The following PPP2R2C variants were observed in gnomAD, a reference collection of about 807,000 sequenced individuals.
The protein encoded by PPP2R2C is protein phosphatase 2 regulatory subunit Bgamma, also known as protein phosphatase 2, regulatory subunit B, gamma.
Under a neutral mutation model 45.3 loss-of-function variants are expected in PPP2R2C, and 10 were observed. The ratio of observed to expected loss-of-function variants is 0.22; its 90% CI spans 0.14 to 0.37. The LOEUF (loss-of-function observed/expected upper bound fraction) is 0.37, where lower values mean the gene tolerates loss of function less well. Ranked by LOEUF, PPP2R2C falls within the 10% of genes least tolerant of loss-of-function variation. The probability of loss-of-function intolerance (pLI) is 1.00; values close to 1 mark genes in which losing one functional copy is unlikely to be tolerated. For synonymous variants in PPP2R2C, 257 were observed against 245.4 expected, an observed-to-expected ratio of 1.05 and a Z score of -0.44; for missense variants, 308 against 619.7, an observed-to-expected ratio of 0.50 and a Z score of 5.34.
intron 2 of PPP2R2C, among the ~76,000 whole-genome samples, chr4:6,501,430 C>T (rs187693451): frequency 3.9e-5 from 6 of 152,302 alleles, no homozygotes; most frequent in Non-Finnish European, 5.9e-5. Context: ...GACGGAGACC[C>T]TCCGAGTTTC....
chr4:6,502,597 G>A (rs1057081866), intron 2 of PPP2R2C, among the ~76,000 whole-genome samples: 1 of 150,646 alleles, frequency 6.6e-6, no homozygotes, highest in African/African-American at 2.5e-5. Context: ...TCCCACACAT[G>A]CCACACCCAA....
At chr4:6,339,901 G>C (rs907822690) in intron 6 of PPP2R2C, among the ~76,000 whole-genome samples, 1 of 152,194 alleles carries the variant, frequency 6.6e-6, no homozygotes, top group Admixed American at 6.5e-5. Context: ...GAGCTTGGAG[G>C]GTCCGAGAAG....
chr4:6,490,524 G>T (rs896972450), intron 2 of PPP2R2C, among the ~76,000 whole-genome samples: 1 of 152,182 alleles, frequency 6.6e-6, no homozygotes, highest in Non-Finnish European at 1.5e-5. Context: ...GCACCCAATC[G>T]TGCCTTGAGG....
chr4:6,407,573 G>T (rs1329175582), intron 1 of PPP2R2C, among the ~76,000 whole-genome samples: 2 of 151,964 alleles, frequency 1.3e-5, no homozygotes, highest in African/African-American at 2.4e-5. Context: ...TATTTTTTTT[G>T]TATTTTTAGT....
chr4:6,434,376 G>T (rs56170595), intron 1 of PPP2R2C, among the ~76,000 whole-genome samples: 120,984 of 129,744 alleles, frequency 0.93, 56,145 homozygotes, highest in Middle Eastern at 0.98. Flanking sequence ...TTTTTTTTTT[G>T]GAGACAGAGT....
intron 1 of PPP2R2C, among the ~76,000 whole-genome samples, chr4:6,449,457 A>AT (rs1263608799): frequency 6.6e-6 from 1 of 152,226 alleles, no homozygotes; most frequent in East Asian, 1.9e-4. Flanking sequence ...AAATGAGTTC[A>AT]TTTCCACTAA....
intron 1 of PPP2R2C, among the ~76,000 whole-genome samples, chr4:6,422,451 A>G (rs28589582): frequency 0.3 from 45,223 of 152,128 alleles, 7,343 homozygotes; most frequent in Admixed American, 0.42. Context: ...AGAGCTTGAA[A>G]AATTAAATTT....
chr4:6,434,963 C>T (rs1316278552), intron 1 of PPP2R2C, among the ~76,000 whole-genome samples: 1 of 152,094 alleles, frequency 6.6e-6, no homozygotes, highest in African/African-American at 2.4e-5. Flanking sequence ...GAAATTAGTA[C>T]TTCTCTATGT....
intron 5 of PPP2R2C, among the ~76,000 whole-genome samples, chr4:6,357,397 G>C (rs1439184162): frequency 6.6e-6 from 1 of 152,214 alleles, no homozygotes; most frequent in African/African-American, 2.4e-5. Context: ...AAGAGTCAGA[G>C]AGTCAATATT....
At chr4:6,561,945 G>A (rs1297104433) in intron 1 of PPP2R2C, among the ~76,000 whole-genome samples, 1 of 152,240 alleles carries the variant, frequency 6.6e-6, no homozygotes, top group African/African-American at 2.4e-5. Flanking sequence ...ACACTGAGAA[G>A]CTGCGATTTG....
chr4:6,445,730 A>G (rs1381986361), intron 1 of PPP2R2C, among the ~76,000 whole-genome samples: 1 of 140,196 alleles, frequency 7.1e-6, no homozygotes, highest in Non-Finnish European at 1.6e-5. Flanking sequence ...AAATAAATAA[A>G]TAAATAAATG....
In PPP2R2C at chr4:6,455,800, C is replaced by T. The variant is rs79981748; in HGVS notation, c.70+16360G>A. On this transcript the variant is annotated intron_variant, in intron 1 of 8. Coordinates refer to ENST00000382599, the MANE Select transcript of PPP2R2C (RefSeq NM_020416.4). Reference sequence around the variant, plus strand: ...TGAACACACCACGCCGTGCTGTGCCCATAATGTCCCTCCTGCCATGAATGT... The same window carrying T: ...TGAACACACCACGCCGTGCTGTGCCTATAATGTCCCTCCTGCCATGAATGT... 4.3e-3 allele frequency among the ~76,000 whole-genome samples: 654 copies of T among 152,306 alleles called. 6 individuals are homozygous for T. Among genetic ancestry groups the T allele is most frequent in the African/African-American group, 0.015 (629 of 41,556 alleles).
chr4:6,346,481 G>A (rs1390886680), intron 6 of PPP2R2C, among the ~76,000 whole-genome samples: 1 of 152,146 alleles, frequency 6.6e-6, no homozygotes, highest in African/African-American at 2.4e-5. Flanking sequence ...TGGTGCCATT[G>A]CTCACCATGC....
chr4:6,460,418 C>G (rs969430162), intron 1 of PPP2R2C, among the ~76,000 whole-genome samples: 1 of 152,182 alleles, frequency 6.6e-6, no homozygotes, highest in East Asian at 1.9e-4. Context: ...ATCTTGGACT[C>G]CCAAGCTCTA....
At chr4:6,458,382 C>T (rs1364419931) in intron 1 of PPP2R2C, among the ~76,000 whole-genome samples, 2 of 152,166 alleles carry the variant, frequency 1.3e-5, no homozygotes, top group Non-Finnish European at 2.9e-5. Flanking sequence ...CCACTGAGGT[C>T]CAACTTCCTG....
chr4:6,492,609 C>G (rs1049189502), intron 2 of PPP2R2C, among the ~76,000 whole-genome samples: 17 of 152,200 alleles, frequency 1.1e-4, no homozygotes, highest in African/African-American at 4.1e-4. Context: ...GTTCTGGAGC[C>G]CTCTGTATAA....
At chr4:6,556,409 G>A (rs1725401709) in intron 1 of PPP2R2C, among the ~76,000 whole-genome samples, 1 of 152,114 alleles carries the variant, frequency 6.6e-6, no homozygotes, top group South Asian at 2.1e-4. Context: ...AGCCTTCCTG[G>A]TTCTCAAACC....
chr4:6,540,774 G>T (rs1170025364), intron 1 of PPP2R2C, among the ~76,000 whole-genome samples: 2 of 152,266 alleles, frequency 1.3e-5, no homozygotes, highest in African/African-American at 4.8e-5. Flanking sequence ...ATCAGGGAGA[G>T]ACTGATGGGG....
chr4:6,405,738 A>G (rs9291114), intron 1 of PPP2R2C, among the ~76,000 whole-genome samples: 38,312 of 152,024 alleles, frequency 0.25, 5,764 homozygotes, highest in African/African-American at 0.37. Flanking sequence ...CGAAAACCTC[A>G]TTTGCAAACC....
Sources: allele counts gnomAD v4.1 joint callset (sites outside exome capture counted in the v4.1 genomes callset), GRCh38; gene constraint gnomAD v4.1.1; transcripts MANE v1.5; gene names NCBI Gene and HGNC (gene_info 2026-07-23, HGNC 2026-07-21).